The following FLACC1 variants were observed in gnomAD, a reference collection of about 807,000 sequenced individuals.
FLACC1 encodes the protein flagellum-associated coiled-coil domain-containing protein 1.
FLACC1 carries 66 observed loss-of-function variants against 62.8 expected under a neutral mutation model. The observed-to-expected ratio is 1.05, with a 90% confidence interval of 0.86 to 1.29. The LOEUF (loss-of-function observed/expected upper bound fraction) is 1.29. Ranked by LOEUF, FLACC1 falls within the 50% of genes most tolerant of loss-of-function variation. FLACC1 has a pLI of 0.00. For missense variants in FLACC1, 452 were observed against 489.1 expected, an observed-to-expected ratio of 0.92 and a Z score of 0.71; for synonymous variants, 156 against 161.0, an observed-to-expected ratio of 0.97 and a Z score of 0.24.
chr2:201,351,543 G>A, intron 1 of FLACC1, 92 bp from the exon 2 acceptor site: 1 of 653,862 alleles, frequency 1.5e-6, no homozygotes, highest in Non-Finnish European at 2.7e-6. Context: ...AGGACCCAAA[G>A]AACAATGGTA....
rs756067483 is a variant in FLACC1 at position 201,288,651 on chromosome 2, T to C, written c.*4A>G. Reference sequence around the variant, plus strand: ...ATCTTCAACAATGCAGAGCAACTTTTTGTTTATGATTCTTGTCCTTTCTTG... The same window carrying C: ...ATCTTCAACAATGCAGAGCAACTTTCTGTTTATGATTCTTGTCCTTTCTTG... On this transcript the variant is annotated 3_prime_UTR_variant, in exon 15 of 15. Coordinates refer to ENST00000392257, the MANE Select transcript of FLACC1 (RefSeq NM_001127391.3). 10 of 1,613,482 alleles carry C rather than the reference T, an allele frequency of 6.2e-6. No individual in the cohort carries two copies. Among genetic ancestry groups the C allele is most frequent in the Non-Finnish European group, 6.8e-6 (8 of 1,179,672 alleles).
At position 201,307,600 on chromosome 2, in the gene FLACC1, G is replaced by A. The variant is rs766784931; in HGVS notation, c.798C>T (p.Phe266=). 60 of 1,613,702 alleles carry A rather than the reference G, an allele frequency of 3.7e-5. No individual in the cohort carries two copies. In the East Asian group the frequency reaches 5.3e-4, roughly 14 times the overall value. ...LQQKKKMTKK[F]EMESGEEDKK... ...TATCTTCTTCTCCTGACTCCATTTC[G>A]AATTTTTTGGTCATCTTTTTTTCTG... Residue 266 remains phenylalanine (F), a synonymous_variant, in exon 11 of 15, where the codon TTC becomes TTT. Coordinates refer to ENST00000392257, the MANE Select transcript of FLACC1 (RefSeq NM_001127391.3).
At chr2:201,309,634 C>T (rs568919917) in intron 9 of FLACC1, among the ~76,000 whole-genome samples, 14 of 152,124 alleles carry the variant, frequency 9.2e-5, no homozygotes, top group South Asian at 2.1e-4. Context: ...GGAGGCCGGG[C>T]GCAGTGGCTC....
intron 6 of FLACC1, 37 bp from the exon 7 acceptor site, chr2:201,342,468 G>C (rs1342367255): frequency 6.2e-7 from 1 of 1,606,218 alleles, no homozygotes; most frequent in East Asian, 2.2e-5. Context: ...ACAGGACTGA[G>C]GACCCTGTCC....
chr2:201,339,480 A>T (rs573636338), intron 7 of FLACC1, among the ~76,000 whole-genome samples: 1 of 151,960 alleles, frequency 6.6e-6, no homozygotes, highest in African/African-American at 2.4e-5. Context: ...CAATTCCTTC[A>T]GGTGCATTAT....
chr2:201,320,154 A>G (rs1364482078), intron 9 of FLACC1, among the ~76,000 whole-genome samples: 1 of 152,250 alleles, frequency 6.6e-6, no homozygotes, highest in East Asian at 1.9e-4. Context: ...GAGGGAAGCC[A>G]TTTCTTACTG....
intron 9 of FLACC1, among the ~76,000 whole-genome samples, chr2:201,314,556 TA>T (rs1340332200): frequency 6.6e-6 from 1 of 152,122 alleles, no homozygotes; most frequent in Non-Finnish European, 1.5e-5. Flanking sequence ...CAACCAAATG[TA>T]AAAATAATTG....
rs771518956 is a variant in FLACC1 at position 201,299,315 on chromosome 2, A to G, written c.880-15T>C. On this transcript the variant is annotated splice_polypyrimidine_tract_variant and intron_variant, in intron 11 of 14. Coordinates refer to ENST00000392257, the MANE Select transcript of FLACC1 (RefSeq NM_001127391.3). Reference sequence around the variant, plus strand: ...TTCAAGAGCTCCTAAAAACAATTTTATTGGGAAAAGGTTAGCACTGTGGTT... The same window carrying G: ...TTCAAGAGCTCCTAAAAACAATTTTGTTGGGAAAAGGTTAGCACTGTGGTT... 11 of 1,612,350 alleles carry G rather than the reference A, an allele frequency of 6.8e-6. 1 individual carries two copies. The highest frequency in any genetic ancestry group is 9.3e-6 in the Non-Finnish European group (11 of 1,178,808).
Position 201,344,179 on chromosome 2 carries a change from G to T in FLACC1, c.453C>A (p.Ala151=), listed in dbSNP as rs1398093501. 6.2e-7 allele frequency: 1 copy of T among 1,610,384 alleles called. No homozygotes were observed. Among genetic ancestry groups the T allele is most frequent in the Non-Finnish European group, 8.5e-7 (1 of 1,177,652 alleles). ...IEQMNRDHQS[A]QKLLSSEMDL... is the part of the protein sequence containing the mutation. Reference sequence around the variant, plus strand: ...ATGTAAGGTCACTCACCAATTTCTGGGCAGACTGGTGGTCTCTGTTCATTT... The same window carrying T: ...ATGTAAGGTCACTCACCAATTTCTGTGCAGACTGGTGGTCTCTGTTCATTT... Residue 151 remains alanine, a synonymous_variant, in exon 6 of 15, where the codon GCC becomes GCA. Coordinates refer to ENST00000392257, the MANE Select transcript of FLACC1 (RefSeq NM_001127391.3).
the FLACC1 span, among the ~76,000 whole-genome samples, chr2:201,363,018 G>A: frequency 6.6e-6 from 1 of 152,134 alleles, no homozygotes; most frequent in Non-Finnish European, 1.5e-5. Context: ...GAACTAGTCT[G>A]CATATGTCAT....
intron 14 of FLACC1, 150 bp from the exon 15 acceptor site, chr2:201,288,931 G>T (rs1361259498): frequency 1.1e-6 from 1 of 913,676 alleles, no homozygotes; most frequent in Non-Finnish European, 1.6e-6. Context: ...ATTTAGTGAG[G>T]TATGGTGTTC....
intron 11 of FLACC1, among the ~76,000 whole-genome samples, chr2:201,303,469 A>G (rs1950032781): frequency 6.6e-6 from 1 of 152,258 alleles, no homozygotes; most frequent in South Asian, 2.1e-4. Context: ...GTCCAGCACC[A>G]GACGGATTCA....
At chr2:201,327,425 T>A (rs970125789) in intron 9 of FLACC1, among the ~76,000 whole-genome samples, 1 of 152,064 alleles carries the variant, frequency 6.6e-6, no homozygotes, top group African/African-American at 2.4e-5. Context: ...GACAAAGGAC[T>A]AGTAATCAAA....
Position 201,354,285 on chromosome 2 carries a change from G to C in FLACC1, c.-48+2697C>G, listed in dbSNP as rs561541091. ...ATGCTGGTTGGACCTTGCCCTCAGG[G>C]AGCTTGCAGTCAGCAGAGGAGTCGG... On this transcript the variant is annotated intron_variant, in intron 1 of 14. Coordinates refer to ENST00000392257, the MANE Select transcript of FLACC1 (RefSeq NM_001127391.3). Among the ~76,000 whole-genome samples the C allele has an allele frequency of 3.9e-5, 6 of 152,310 alleles. No individual in the cohort carries two copies. In the East Asian group the frequency reaches 1.2e-3, roughly 29 times the overall value.
chr2:201,359,432 G>A (rs548596494), upstream of FLACC1, among the ~76,000 whole-genome samples: 6 of 152,142 alleles, frequency 3.9e-5, no homozygotes, highest in South Asian at 4.1e-4. Flanking sequence ...CCAAGGGAGC[G>A]AGTGAGATCA....
intron 9 of FLACC1, among the ~76,000 whole-genome samples, chr2:201,321,349 C>T (rs971592439): frequency 6.6e-6 from 1 of 152,156 alleles, no homozygotes; most frequent in African/African-American, 2.4e-5. Flanking sequence ...AGAGAACACC[C>T]TGTGGGAGAA....
chr2:201,311,005 T>C (rs2125566121), intron 9 of FLACC1, among the ~76,000 whole-genome samples: 1 of 152,222 alleles, frequency 6.6e-6, no homozygotes, highest in East Asian at 1.9e-4. Context: ...GAGATCATTA[T>C]GAACATCTGT....
intron 9 of FLACC1, among the ~76,000 whole-genome samples, chr2:201,327,553 G>GA (rs1248934324): frequency 3.3e-5 from 5 of 151,982 alleles, no homozygotes; most frequent in African/African-American, 1.2e-4. Flanking sequence ...CAACAAACAT[G>GA]AAAAAGTGCT....
At chr2:201,358,518 G>T (rs1294427259), upstream of FLACC1, among the ~76,000 whole-genome samples, 1 of 148,086 alleles carries the variant, frequency 6.8e-6, no homozygotes, top group South Asian at 2.1e-4. Flanking sequence ...CCGGGTTCAC[G>T]CCATTCTCCT....
Sources: allele counts gnomAD v4.1 joint callset (sites outside exome capture counted in the v4.1 genomes callset), GRCh38; gene constraint gnomAD v4.1.1; transcripts MANE v1.5; gene names NCBI Gene and HGNC (gene_info 2026-07-23, HGNC 2026-07-21).